PFKFB3: variants seen among roughly 807,000 people sequenced by gnomAD.
PFKFB3 encodes 6-phosphofructo-2-kinase/fructose-2,6-bisphosphatase 3.
In PFKFB3, 33 loss-of-function variants were observed where a neutral mutation model predicts 68.0. That is an observed-to-expected ratio of 0.49 (90% CI 0.37 to 0.65). PFKFB3 has a LOEUF of 0.65. Among genes scored for constraint, PFKFB3 ranks in the 30% least tolerant of loss-of-function variants. The pLI is 0.00. For missense variants in PFKFB3, 586 were observed against 712.2 expected (o/e 0.82, Z 2.02); for synonymous variants, 315 against 288.2 (o/e 1.09, Z -0.94).
chr10:6,247,879 T>C (rs1261682181), intron 14 of PFKFB3, among the ~76,000 whole-genome samples: 1 of 152,222 alleles, frequency 6.6e-6, no homozygotes, highest in Non-Finnish European at 1.5e-5. Flanking sequence ...CCCCACCACT[T>C]TATGAGCTGG....
the PFKFB3 span, among the ~76,000 whole-genome samples, chr10:6,265,372 C>T: frequency 7.2e-3 from 1,091 of 152,144 alleles, 41 homozygotes; most frequent in Admixed American, 0.066. Context: ...TGAGCCACCG[C>T]CCCTCACCTA....
intron 1 of PFKFB3, among the ~76,000 whole-genome samples, chr10:6,206,986 C>T (rs1843809743): frequency 6.7e-6 from 1 of 148,994 alleles, no homozygotes; most frequent in Admixed American, 6.7e-5. Context: ...TCCTCACATC[C>T]CAGACGATGG....
At chr10:6,257,888 A>G (rs1306862229), downstream of PFKFB3, among the ~76,000 whole-genome samples, 1 of 151,796 alleles carries the variant, frequency 6.6e-6, no homozygotes, top group Non-Finnish European at 1.5e-5. Context: ...CACTGGAGAC[A>G]AGGAGCCAGG....
chr10:6,196,344 G>T (rs1214187235), intron 1 of PFKFB3, among the ~76,000 whole-genome samples: 1 of 152,086 alleles, frequency 6.6e-6, no homozygotes, highest in Non-Finnish European at 1.5e-5. Flanking sequence ...TCAGGGTTCT[G>T]TAGAGGGACA....
At chr10:6,200,147 T>G (rs1022544339), upstream of PFKFB3, among the ~76,000 whole-genome samples, 4 of 152,216 alleles carry the variant, frequency 2.6e-5, no homozygotes, top group Non-Finnish European at 2.9e-5. Context: ...CTTCTTCCCA[T>G]AAAGCAAGTG....
At chr10:6,221,260 C>A in intron 8 of PFKFB3, 121 bp from the exon 9 acceptor site, 1 of 1,234,914 alleles carries the variant, frequency 8.1e-7, no homozygotes, top group Non-Finnish European at 1.1e-6. Context: ...TCCCAGTGGC[C>A]TGGGGCCCCC....
chr10:6,163,929 G>A (rs1457072746), intron 1 of PFKFB3: 2 of 152,584 alleles, frequency 1.3e-5, no homozygotes, highest in Non-Finnish European at 2.9e-5. Context: ...GGGGACCTGG[G>A]GTTGTGTTTC....
At position 6,155,187 on chromosome 10, in the gene PFKFB3, G is replaced by A. The variant is rs116293208; in HGVS notation, c.16+10174G>A. ...TGCTCTCTTCCAAGCTGGGAGAAAA[G>A]CACTTACGAGTTTTTTTCTTTTTTT... is the stretch of plus-strand genomic sequence containing the variant. On this transcript the variant is annotated intron_variant, in intron 1 of 14. Transcript: ENST00000379789. Among the ~76,000 whole-genome samples, 1,138 of 149,440 alleles carry A rather than the reference G, an allele frequency of 7.6e-3. 20 individuals carry two copies. The highest frequency in any genetic ancestry group is 0.025 in the African/African-American group (1,047 of 41,098).
intron 1 of PFKFB3, among the ~76,000 whole-genome samples, chr10:6,206,975 C>T (rs1159438557): frequency 6.8e-6 from 1 of 147,052 alleles, no homozygotes; most frequent in African/African-American, 2.6e-5. Flanking sequence ...GGCAGAGGGG[C>T]TCCTCACATC....
chr10:6,233,161 C>A lies in PFKFB3; in HGVS notation c.*219C>A. 1.8e-6 allele frequency: 1 copy of A among 544,138 alleles called. No homozygotes were observed. The highest frequency in any genetic ancestry group is 3.3e-6 in the Non-Finnish European group (1 of 303,828). The allele number at this position is 544,138 out of a possible 1,614,324, so 33.7% of individuals were successfully genotyped here. A position where few individuals can be genotyped will look rare whatever the true frequency, so the allele number is the denominator to read the frequency against. On this transcript the variant is annotated 3_prime_UTR_variant, in exon 15 of 15. Coordinates refer to ENST00000379775, the MANE Select transcript of PFKFB3 (RefSeq NM_004566.4). ...TGGGTCCCTGGCGCCCTGCCTTTAG[C>A]CGTGGGGCCCCCACCTCCACTCTCT...
the PFKFB3 span, among the ~76,000 whole-genome samples, chr10:6,294,935 A>T: frequency 6.7e-6 from 1 of 149,330 alleles, no homozygotes; most frequent in Non-Finnish European, 1.5e-5. Context: ...AGGTTTGTGT[A>T]TGATGTTTGA....
chr10:6,146,096 C>G (rs1035189261), intron 1 of PFKFB3, among the ~76,000 whole-genome samples: 3 of 152,214 alleles, frequency 2.0e-5, no homozygotes, highest in African/African-American at 7.2e-5. Flanking sequence ...GAGACTCCCC[C>G]ACTGCGACCT....
chr10:6,287,520 C>T, the PFKFB3 span, among the ~76,000 whole-genome samples: 6 of 152,110 alleles, frequency 3.9e-5, no homozygotes, highest in Non-Finnish European at 7.4e-5. Flanking sequence ...GGATTGTAAC[C>T]TAGCAACAAT....
Position 6,228,327 on chromosome 10 carries a change from A to C in PFKFB3, c.1515+1962A>C, listed in dbSNP as rs887823678. 23 of 1,219,104 alleles carry C rather than the reference A, an allele frequency of 1.9e-5. No homozygotes were observed. The highest frequency in any genetic ancestry group is 2.8e-5 in the Non-Finnish European group (23 of 825,704). 75.5% of individuals were successfully genotyped at this position (1,219,104 alleles called of 1,614,324 possible). ...AGGATGAGAGCAGTTTTGTGATGTG[A>C]GGTCTTCCGTGGGGGAAGGAGGAGA... On this transcript the variant is annotated intron_variant, in intron 14 of 14. Coordinates refer to ENST00000379775, the MANE Select transcript of PFKFB3 (RefSeq NM_004566.4). The surrounding 1 kb of genome is among the most constrained non-coding windows in gnomAD (Gnocchi z 4.5).
intron 10 of PFKFB3, among the ~76,000 whole-genome samples, chr10:6,222,210 C>A (rs1212652228): frequency 6.6e-6 from 1 of 152,176 alleles, no homozygotes; most frequent in African/African-American, 2.4e-5. Context: ...TGCAGGCCCA[C>A]TGTCCTCTGG....
At chr10:6,178,623 C>T (rs1253028399) in intron 1 of PFKFB3, among the ~76,000 whole-genome samples, 1 of 152,176 alleles carries the variant, frequency 6.6e-6, no homozygotes, top group Non-Finnish European at 1.5e-5. Context: ...TCGGTGCCTG[C>T]CCTGGGCCGT....
intron 1 of PFKFB3, among the ~76,000 whole-genome samples, chr10:6,162,838 G>T (rs745525370): frequency 9.2e-5 from 14 of 152,126 alleles, no homozygotes; most frequent in Non-Finnish European, 1.9e-4. Context: ...CTCCTCCAAG[G>T]ATCCCTGGGT....
At chr10:6,200,143 C>T (rs1564613146), upstream of PFKFB3, among the ~76,000 whole-genome samples, 1 of 152,208 alleles carries the variant, frequency 6.6e-6, no homozygotes, top group African/African-American at 2.4e-5. Context: ...TTTACTTCTT[C>T]CCATAAAGCA....
Position 6,172,873 on chromosome 10 carries a change from A to C in PFKFB3, c.16+27860A>C, listed in dbSNP as rs2131748562. Among the ~76,000 whole-genome samples the C allele has an allele frequency of 2.6e-5, 4 of 151,520 alleles. No homozygotes were observed. In the Middle Eastern group the frequency reaches 0.014, roughly 530 times the overall value. ...GGCAGACAACTTGTCCAGGGAGGGC[A>C]GAGCTAGATGTTCCTGTGACTGCAG... On this transcript the variant is annotated intron_variant, in intron 1 of 14. Coordinates refer to the PFKFB3 transcript ENST00000379789.
Sources: gnomAD v4.1 joint callset for allele counts (sites outside exome capture counted in the v4.1 genomes callset) on GRCh38, gnomAD v4.1.1 for gene constraint, Gnocchi (gnomAD v3.1) non-coding constraint, MANE v1.5 for transcripts, NCBI Gene and HGNC (gene_info 2026-07-23, HGNC 2026-07-21) for gene names.